PEBP4: variants seen among roughly 807,000 people sequenced by gnomAD.
The protein encoded by PEBP4 is phosphatidylethanolamine binding protein 4.
In PEBP4, 22 loss-of-function variants were observed where a neutral mutation model predicts 23.9. That is an observed-to-expected ratio of 0.92 (90% confidence interval 0.66 to 1.31). PEBP4 has a LOEUF of 1.31. Ranked by LOEUF, PEBP4 falls within the 40% of genes most tolerant of loss-of-function variation. PEBP4 has a pLI of 0.00. For synonymous variants in PEBP4, 112 were observed against 99.3 expected (o/e 1.13, Z -0.76); for missense variants, 324 against 281.7 (o/e 1.15, Z -1.07).
At chr8:22,720,392 G>A (rs955890766) in intron 6 of PEBP4, among the ~76,000 whole-genome samples, 1 of 152,216 alleles carries the variant, frequency 6.6e-6, no homozygotes, top group South Asian at 2.1e-4. Flanking sequence ...TGCGGGTCTG[G>A]GAAGGGGAGA....
At chr8:22,766,850 C>G (rs557156291) in intron 4 of PEBP4, among the ~76,000 whole-genome samples, 1 of 152,224 alleles carries the variant, frequency 6.6e-6, no homozygotes, top group Non-Finnish European at 1.5e-5. Flanking sequence ...ACAGCACAGG[C>G]CTTGGAGGAA....
intron 4 of PEBP4, among the ~76,000 whole-genome samples, chr8:22,798,184 A>G (rs1431981425): frequency 1.3e-5 from 2 of 152,154 alleles, no homozygotes; most frequent in Non-Finnish European, 2.9e-5. Context: ...TGTACTCATC[A>G]TGCTTTTTAT....
intron 4 of PEBP4, among the ~76,000 whole-genome samples, chr8:22,753,307 ACAAG>A (rs1282504759): frequency 6.6e-6 from 1 of 152,100 alleles, no homozygotes; most frequent in African/African-American, 2.4e-5. Context: ...CATCCCAGAG[ACAAG>A]CAGGTTTCCA....
chr8:22,897,059 A>G (rs758360244), intron 3 of PEBP4, among the ~76,000 whole-genome samples: 1 of 152,058 alleles, frequency 6.6e-6, no homozygotes, highest in Non-Finnish European at 1.5e-5. Flanking sequence ...GTATATATAT[A>G]TAATCCAAAT....
chr8:22,912,490 T>C (rs1466890089), intron 3 of PEBP4, among the ~76,000 whole-genome samples: 2 of 152,118 alleles, frequency 1.3e-5, no homozygotes, highest in African/African-American at 4.8e-5. Context: ...CAAAATTACA[T>C]AGGTGAAAGG....
chr8:22,744,123 A>G (rs11780367), intron 4 of PEBP4, among the ~76,000 whole-genome samples: 28,459 of 152,202 alleles, frequency 0.19, 2,984 homozygotes, highest in East Asian at 0.49. Context: ...CCCTCTCCCA[A>G]TTTGATTGTA....
At chr8:22,834,764 G>A (rs1807165404) in intron 3 of PEBP4, among the ~76,000 whole-genome samples, 2 of 152,190 alleles carry the variant, frequency 1.3e-5, no homozygotes, top group Non-Finnish European at 2.9e-5. Flanking sequence ...CCTTCTTCCT[G>A]CCTGGAATGT....
At chr8:22,903,282 C>T (rs1808747094) in intron 3 of PEBP4, among the ~76,000 whole-genome samples, 1 of 152,202 alleles carries the variant, frequency 6.6e-6, no homozygotes, top group African/African-American at 2.4e-5. Context: ...GGACAAGTTG[C>T]TTAACCTATG....
At chr8:22,780,619 C>T (rs974564131) in intron 4 of PEBP4, among the ~76,000 whole-genome samples, 1 of 152,088 alleles carries the variant, frequency 6.6e-6, no homozygotes, top group Non-Finnish European at 1.5e-5. Context: ...AGAAAACCTG[C>T]GATGGAAGTT....
chr8:22,719,898 G>A (rs1418181803), intron 6 of PEBP4, among the ~76,000 whole-genome samples: 3 of 152,246 alleles, frequency 2.0e-5, no homozygotes, highest in Admixed American at 6.5e-5. Context: ...TCACTTGTGG[G>A]CATGGTACTC....
chr8:22,807,761 C>T (rs1333753701), intron 4 of PEBP4, among the ~76,000 whole-genome samples: 2 of 152,130 alleles, frequency 1.3e-5, no homozygotes, highest in Admixed American at 6.5e-5. Flanking sequence ...GATGCCACCC[C>T]ATCCATATAT....
chr8:22,936,422 T>C (rs1410038006), intron 1 of PEBP4, among the ~76,000 whole-genome samples: 2 of 152,120 alleles, frequency 1.3e-5, no homozygotes, highest in African/African-American at 4.8e-5. Context: ...ATGGAAAGCC[T>C]GAATAGATCC....
intron 3 of PEBP4, among the ~76,000 whole-genome samples, chr8:22,854,610 C>T (rs1046016679): frequency 6.6e-6 from 1 of 152,022 alleles, no homozygotes; most frequent in Non-Finnish European, 1.5e-5. Flanking sequence ...CTTTTCTCCC[C>T]GTCTTCACTT....
intron 4 of PEBP4, among the ~76,000 whole-genome samples, chr8:22,749,393 C>G (rs1044616976): frequency 2.0e-5 from 3 of 152,296 alleles, no homozygotes; most frequent in South Asian, 4.1e-4. Context: ...AGCCTAGGAG[C>G]ACAACTGTCT....
intron 3 of PEBP4, among the ~76,000 whole-genome samples, chr8:22,833,435 G>A (rs764420133): frequency 2.0e-5 from 3 of 152,166 alleles, no homozygotes; most frequent in African/African-American, 7.2e-5. Flanking sequence ...GGGTTCAAGC[G>A]AGTCTTCTGC....
rs1129474 is a variant in PEBP4, at chr8:22,727,205, T to C, written c.373A>G (p.Lys125Glu). 762,878 of 1,612,648 alleles carry C rather than the reference T, an allele frequency of 0.47. 184,914 individuals carry two copies. The highest frequency in any genetic ancestry group is 0.7 in the African/African-American group (52,404 of 74,858). ...VTDIKGADLK[K>E]GKIQGQELSA... ...AACTCCTGGCCCTGAATCTTCCCTT[T>C]CTTCAGGTCGGCGCCCTGAAAGAAG... The change falls in exon 5 of 7, where the codon AAA becomes GAA. Residue 125 changes from lysine to glutamate, a missense_variant. Lys to Glu is a moderately conservative substitution (Grantham distance 56). Transcript: ENST00000256404.
At chr8:22,876,099 T>C (rs1328581649) in intron 3 of PEBP4, among the ~76,000 whole-genome samples, 1 of 152,042 alleles carries the variant, frequency 6.6e-6, no homozygotes, top group East Asian at 1.9e-4. Flanking sequence ...TTAGTAGAAA[T>C]GGGGTTTCGC....
At chr8:22,760,793 C>G (rs562784846) in intron 4 of PEBP4, among the ~76,000 whole-genome samples, 1 of 152,294 alleles carries the variant, frequency 6.6e-6, no homozygotes, top group South Asian at 2.1e-4. Context: ...AGACAACTAA[C>G]TCACATAGGA....
chr8:22,729,836 C>G (rs779202376), intron 4 of PEBP4, among the ~76,000 whole-genome samples: 1 of 152,140 alleles, frequency 6.6e-6, no homozygotes, highest in Non-Finnish European at 1.5e-5. Context: ...GTGATTTACT[C>G]GGATTGTCTT....
Sources: gnomAD v4.1 joint callset for allele counts (sites outside exome capture counted in the v4.1 genomes callset) on GRCh38, gnomAD v4.1.1 for gene constraint, MANE v1.5 for transcripts, NCBI Gene and HGNC (gene_info 2026-07-23, HGNC 2026-07-21) for gene names.